HNRNPLL: variants seen among roughly 807,000 people sequenced by gnomAD.
The protein encoded by HNRNPLL is heterogeneous nuclear ribonucleoprotein L-like.
In HNRNPLL, 25 loss-of-function variants were observed where a neutral mutation model predicts 67.1. That is an observed-to-expected ratio of 0.37 (90% CI 0.27 to 0.52). The LOEUF (loss-of-function observed/expected upper bound fraction) is 0.52. HNRNPLL is among the 20% of genes least tolerant of loss of function. The pLI is 0.90. For synonymous variants in HNRNPLL, 267 were observed against 241.7 expected (o/e 1.10, Z -0.97); for missense variants, 542 against 673.9 (o/e 0.80, Z 2.17).
chr2:38,570,111 C>T (rs1666011805), intron 8 of HNRNPLL, among the ~76,000 whole-genome samples, 186 bp from the exon 9 acceptor site: 1 of 152,140 alleles, frequency 6.6e-6, no homozygotes, highest in African/African-American at 2.4e-5. Context: ...AAAAGGAACA[C>T]TATTGTATAG....
intron 1 of HNRNPLL, 153 bp downstream of exon 1, chr2:38,602,285 A>G (rs1667473751): frequency 1.4e-6 from 1 of 693,618 alleles, no homozygotes; most frequent in Non-Finnish European, 2.3e-6. Context: ...GGTAGAGGCC[A>G]GAATACGAGC....
At chr2:38,569,955 C>A (rs767133995) in intron 8 of HNRNPLL, 30 bp from the exon 9 acceptor site, 2 of 1,520,246 alleles carry the variant, frequency 1.3e-6, no homozygotes, top group Non-Finnish European at 1.8e-6. Context: ...AAAAGGTGAC[C>A]ATTTAATTCC....
In HNRNPLL at chr2:38,602,893, T is replaced by C; in HGVS notation, c.-267A>G. On this transcript the variant is annotated 5_prime_UTR_variant, in exon 1 of 13. Coordinates refer to ENST00000449105, the MANE Select transcript of HNRNPLL (RefSeq NM_138394.4). ...TCAGCCTCTCCCTCCTCCTCCTCCG[T>C]CTCCGCTCCCTGCCCGGAGGAGCGA... The C allele has an allele frequency of 1.3e-6, 2 of 1,544,502 alleles. No homozygotes were observed. Among genetic ancestry groups the C allele is most frequent in the South Asian group, 1.2e-5 (1 of 83,822 alleles).
chr2:38,572,751 G>A (rs1055536272), intron 8 of HNRNPLL, among the ~76,000 whole-genome samples: 6 of 151,998 alleles, frequency 3.9e-5, no homozygotes, highest in African/African-American at 1.4e-4. Flanking sequence ...TGGTTCCTCC[G>A]AAGATAATAG....
chr2:38,570,537 T>C (rs1401874046), intron 8 of HNRNPLL, among the ~76,000 whole-genome samples: 1 of 152,154 alleles, frequency 6.6e-6, no homozygotes, highest in African/African-American at 2.4e-5. Flanking sequence ...GGGATACACG[T>C]TATTTCAGGA....
chr2:38,591,464 G>A, intron 2 of HNRNPLL, 66 bp downstream of exon 2: 1 of 875,530 alleles, frequency 1.1e-6, no homozygotes, highest in Non-Finnish European at 2.0e-6. Flanking sequence ...ATCAAGGCTT[G>A]TAACAAGCAA....
intron 2 of HNRNPLL, among the ~76,000 whole-genome samples, chr2:38,590,577 T>C (rs915186420): frequency 6.6e-6 from 1 of 152,236 alleles, no homozygotes; most frequent in Admixed American, 6.5e-5. Context: ...TAAGTGTCTA[T>C]TTTTGGCAGC....
At chr2:38,593,903 A>G (rs1301052158) in intron 1 of HNRNPLL, among the ~76,000 whole-genome samples, 1 of 150,414 alleles carries the variant, frequency 6.6e-6, no homozygotes, top group Non-Finnish European at 1.5e-5. Flanking sequence ...GGCCGGGCAC[A>G]GTGGCTTACG....
intron 6 of HNRNPLL, among the ~76,000 whole-genome samples, chr2:38,579,210 T>C (rs1233108233): frequency 6.6e-6 from 1 of 152,092 alleles, no homozygotes; most frequent in Admixed American, 6.6e-5. Context: ...ATTTGCTGTA[T>C]AGTCACAGAA....
intron 6 of HNRNPLL, 163 bp downstream of exon 6, chr2:38,581,750 G>A (rs1573738392): frequency 1.6e-6 from 1 of 631,318 alleles, no homozygotes; most frequent in East Asian, 2.7e-5. Context: ...GGGCACTAAT[G>A]TTCAAGGTTA....
chr2:38,578,045 A>G (rs1200254343), intron 6 of HNRNPLL: 2 of 470,208 alleles, frequency 4.3e-6, no homozygotes, highest in Middle Eastern at 3.3e-4. Context: ...AGAGTATTTT[A>G]TAAGTATATG....
At chr2:38,582,503 G>C (rs922231474) in intron 4 of HNRNPLL, among the ~76,000 whole-genome samples, 2 of 152,068 alleles carry the variant, frequency 1.3e-5, no homozygotes, top group African/African-American at 4.8e-5. Flanking sequence ...GTAGATACGG[G>C]GTTTCACCAT....
intron 8 of HNRNPLL, 44 bp downstream of exon 8, chr2:38,573,166 A>T: frequency 7.6e-7 from 1 of 1,313,184 alleles, no homozygotes; most frequent in Non-Finnish European, 1.1e-6. Context: ...CAGAGTTACC[A>T]CTGAATATCC....
At chr2:38,574,855 ATTATT>A (rs2148347708) in intron 7 of HNRNPLL, among the ~76,000 whole-genome samples, 1 of 151,980 alleles carries the variant, frequency 6.6e-6, no homozygotes, top group African/African-American at 2.4e-5. Flanking sequence ...CTGTTTAGTA[ATTATT>A]TTAGCCTCTA....
chr2:38,587,967 T>A lies in HNRNPLL; in HGVS notation c.309-2086A>T, dbSNP rs774328743. Among the ~76,000 whole-genome samples the A allele has an allele frequency of 2.0e-3, 297 of 152,094 alleles. 5 individuals carry two copies. Among genetic ancestry groups the A allele is most frequent in the Non-Finnish European group, 1.9e-3 (132 of 67,994 alleles). ...CCTGCCCCTTTGTGTGCGCGCTCTC[T>A]CTCCTCTCTTTTTTTTCTCTCTCTC... On this transcript the variant is annotated intron_variant, in intron 2 of 12. Transcript: ENST00000449105.
At chr2:38,581,261 A>C (rs1558536987) in intron 6 of HNRNPLL, 1 of 152,248 alleles carries the variant, frequency 6.6e-6, no homozygotes, top group Non-Finnish European at 1.5e-5. Context: ...CCGTTAGTGG[A>C]AAGTCTTAAA....
At chr2:38,575,439 A>G (rs896873726) in intron 7 of HNRNPLL, among the ~76,000 whole-genome samples, 9 of 151,828 alleles carry the variant, frequency 5.9e-5, no homozygotes, top group Admixed American at 5.3e-4. Context: ...AGATGCTACA[A>G]ATTAATACAC....
Position 38,563,904 on chromosome 2 carries a change from G to T in HNRNPLL, c.*278C>A, listed in dbSNP as rs1665749156. 9 of 274,206 alleles carry T rather than the reference G, an allele frequency of 3.3e-5. No homozygotes were observed. In the South Asian group the frequency reaches 8.9e-4, roughly 27 times the overall value. 17.0% of individuals were successfully genotyped at this position (274,206 alleles called of 1,614,324 possible). On this transcript the variant is annotated 3_prime_UTR_variant, in exon 13 of 13. Transcript: ENST00000449105. ...AGAATGCAAATATATTTTTACTGTGGAAGAAAAATTCCAGTAATAAGGTTA... is the reference window on the plus strand; with the variant it reads ...AGAATGCAAATATATTTTTACTGTGTAAGAAAAATTCCAGTAATAAGGTTA...
chr2:38,563,880 G>C lies in HNRNPLL; in HGVS notation c.*302C>G. 1 of 241,304 alleles carries C rather than the reference G, an allele frequency of 4.1e-6. No individual in the cohort carries two copies. The highest frequency in any genetic ancestry group is 7.9e-6 in the Non-Finnish European group (1 of 126,404). 14.9% of individuals were successfully genotyped at this position (241,304 alleles called of 1,614,324 possible). A position where few individuals can be genotyped will look rare whatever the true frequency, so the allele number is the denominator to read the frequency against. On this transcript the variant is annotated 3_prime_UTR_variant, in exon 13 of 13. Transcript: ENST00000449105. ...AATACTTGCAGATAATTAGCATTAAGAATGCAAATATATTTTTACTGTGGA... is the reference window on the plus strand; with the variant it reads ...AATACTTGCAGATAATTAGCATTAACAATGCAAATATATTTTTACTGTGGA...
Sources: allele counts gnomAD v4.1 joint callset (sites outside exome capture counted in the v4.1 genomes callset), GRCh38; gene constraint gnomAD v4.1.1; transcripts MANE v1.5; gene names NCBI Gene and HGNC (gene_info 2026-07-23, HGNC 2026-07-21).